KCTD3: variants seen among roughly 807,000 people sequenced by gnomAD.
KCTD3 encodes BTB/POZ domain-containing protein KCTD3.
In KCTD3, 41 loss-of-function variants were observed where a neutral mutation model predicts 85.8. The observed-to-expected ratio is 0.48, with a 90% CI of 0.37 to 0.62. The LOEUF is 0.62. KCTD3 is among the 20% of genes least tolerant of loss of function. The pLI is 0.00. For missense variants in KCTD3, 724 were observed against 989.9 expected (o/e 0.73, Z 3.60); for synonymous variants, 338 against 345.4 (o/e 0.98, Z 0.24).
At chr1:215,597,097 T>G (rs1654603391) in intron 10 of KCTD3, among the ~76,000 whole-genome samples, 1 of 152,170 alleles carries the variant, frequency 6.6e-6, no homozygotes, top group Admixed American at 6.5e-5. Flanking sequence ...AAGGTAGATT[T>G]TAAGTATTTG....
chr1:215,570,259 A>T (rs1229019734), intron 1 of KCTD3, among the ~76,000 whole-genome samples: 1 of 151,972 alleles, frequency 6.6e-6, no homozygotes, highest in African/African-American at 2.4e-5. Context: ...AGGAGAATAG[A>T]CATGAAAATG....
At chr1:215,599,456 A>G (rs547239276) in intron 10 of KCTD3, among the ~76,000 whole-genome samples, 1 of 152,364 alleles carries the variant, frequency 6.6e-6, no homozygotes, top group African/African-American at 2.4e-5. Flanking sequence ...CTGGTATTTT[A>G]AAACTGTAAA....
At chr1:215,611,950 T>C (rs1655249933) in intron 15 of KCTD3, 29 bp downstream of exon 15, 1 of 1,402,942 alleles carries the variant, frequency 7.1e-7, no homozygotes, top group African/African-American at 1.4e-5. Context: ...AATATTTGTA[T>C]TCAGAAGCCA....
rs191150903 is a variant in KCTD3 at position 215,603,666 on chromosome 1, A to G, written c.1139-466A>G. The stretch of plus-strand genomic sequence containing the variant: ...AATTCTAGGCTAGACATAATAAGGA[A>G]TATTGCTTTTGGAATACTATGCTGT... On this transcript the variant is annotated intron_variant, in intron 12 of 17. Transcript: ENST00000259154. Among the ~76,000 whole-genome samples the G allele has an allele frequency of 2.2e-3, 334 of 152,286 alleles. 6 individuals carry two copies. The highest frequency in any genetic ancestry group is 0.021 in the Admixed American group (314 of 15,300).
At chr1:215,605,803 T>G (rs1430294744) in intron 13 of KCTD3, among the ~76,000 whole-genome samples, 1 of 152,136 alleles carries the variant, frequency 6.6e-6, no homozygotes, top group Non-Finnish European at 1.5e-5. Context: ...TAAGTCCTGT[T>G]GGTTTTGCTG....
chr1:215,611,962 CT>C (rs1351005411), intron 15 of KCTD3, 41 bp downstream of exon 15: 3 of 1,313,246 alleles, frequency 2.3e-6, no homozygotes, highest in East Asian at 4.6e-5. Flanking sequence ...CAGAAGCCAC[CT>C]TTTGTCTTAC....
At chr1:215,586,470 T>C in intron 8 of KCTD3, 25 bp from the exon 9 acceptor site, 1 of 1,592,102 alleles carries the variant, frequency 6.3e-7, no homozygotes, top group Admixed American at 1.7e-5. Flanking sequence ...TGAGTCTACC[T>C]TATGTGCCTG....
At chr1:215,610,898 CTAA>C (rs778447955) in intron 14 of KCTD3, among the ~76,000 whole-genome samples, 5 of 151,800 alleles carry the variant, frequency 3.3e-5, no homozygotes, top group East Asian at 1.9e-4. Context: ...TAAGTATTAG[CTAA>C]TAATAAAGAT....
chr1:215,610,575 G>C (rs1345207536), intron 14 of KCTD3, among the ~76,000 whole-genome samples: 4 of 151,862 alleles, frequency 2.6e-5, no homozygotes, highest in African/African-American at 9.7e-5. Context: ...GTTATTCATT[G>C]TCAATATTTT....
intron 9 of KCTD3, among the ~76,000 whole-genome samples, chr1:215,594,899 G>A (rs532392892): frequency 6.6e-6 from 1 of 152,168 alleles, no homozygotes; most frequent in South Asian, 2.1e-4. Flanking sequence ...AGATAGTTAA[G>A]GCTGCCAAGT....
chr1:215,608,113 A>C lies in KCTD3; in HGVS notation c.1406A>C (p.Lys469Thr). ...GGTTCTACTCCTTTAGCGTCATTCA[A>C]GATACTATCCCTGGAGGAGACAGAA... The part of the protein sequence containing the change: ...QPGSTPLASF[K>T]ILSLEETESH... The change falls in exon 14 of 18, where the codon AAG becomes ACG. Residue 469 changes from lysine (K) to threonine (T), a missense_variant. This residue lies in a region of KCTD3 where 136 missense variants were observed against 197.6 expected (regional missense o/e 0.69). Transcript: ENST00000259154. The C allele has an allele frequency of 6.2e-7, 1 of 1,612,280 alleles. No individual in the cohort carries two copies. Among genetic ancestry groups the C allele is most frequent in the Middle Eastern group, 1.7e-4 (1 of 6,052 alleles).
chr1:215,620,560 C>T lies in KCTD3; in HGVS notation c.2390C>T (p.Thr797Ile), dbSNP rs1655638434. ...PGTASPSPTKTTPSPRHKKSD... is the reference protein window; with the variant it reads ...PGTASPSPTKITPSPRHKKSD... ...ACTGCGTCCCCATCTCCTACAAAGA[C>T]TACTCCATCTCCTCGGCATAAAAAA... The change falls in exon 18 of 18, where the codon ACT (threonine) becomes ATT (isoleucine). Residue 797 changes from threonine (T) to isoleucine (I), a missense_variant. This residue lies in a region of KCTD3 where 222 missense variants were observed against 217.7 expected (regional missense o/e 1.02). Coordinates refer to ENST00000259154, the MANE Select transcript of KCTD3 (RefSeq NM_016121.5). 2 of 1,612,488 alleles carry T rather than the reference C, an allele frequency of 1.2e-6. No individual in the cohort carries two copies. The highest frequency in any genetic ancestry group is 2.2e-5 in the South Asian group (2 of 90,604).
At chr1:215,600,191 G>T (rs1654778617) in intron 10 of KCTD3, among the ~76,000 whole-genome samples, 1 of 152,164 alleles carries the variant, frequency 6.6e-6, no homozygotes, top group South Asian at 2.1e-4. Context: ...AGGGCATGAT[G>T]ATTGAGTTCT....
Position 215,620,743 on chromosome 1 carries a change from T to C in KCTD3, c.*125T>C, listed in dbSNP as rs1655653001. The stretch of plus-strand genomic sequence containing the variant: ...AAAATTGGACTTCATTTAGTATCTT[T>C]TTAACAGAATTACTTGGAATAATGA... On this transcript the variant is annotated 3_prime_UTR_variant, in exon 18 of 18. Coordinates refer to ENST00000259154, the MANE Select transcript of KCTD3 (RefSeq NM_016121.5). 1 of 632,476 alleles carries C rather than the reference T, an allele frequency of 1.6e-6. No homozygotes were observed. Among genetic ancestry groups the C allele is most frequent in the Non-Finnish European group, 2.6e-6 (1 of 378,396 alleles). 39.2% of individuals were successfully genotyped at this position (632,476 alleles called of 1,614,324 possible). A position where few individuals can be genotyped will look rare whatever the true frequency, so the allele number is the denominator to read the frequency against.
intron 3 of KCTD3, among the ~76,000 whole-genome samples, chr1:215,574,750 T>C (rs1223362114): frequency 1.3e-5 from 2 of 152,230 alleles, no homozygotes. Context: ...TTTGATGTGC[T>C]CTAATGAAAA....
At chr1:215,575,423 T>G (rs1272473782) in intron 3 of KCTD3, among the ~76,000 whole-genome samples, 1 of 152,226 alleles carries the variant, frequency 6.6e-6, no homozygotes, top group Non-Finnish European at 1.5e-5. Flanking sequence ...AATAGTATTC[T>G]TTTCCACTTT....
intron 10 of KCTD3, among the ~76,000 whole-genome samples, 154 bp from the exon 11 acceptor site, chr1:215,601,713 A>G (rs1039104129): frequency 6.6e-6 from 1 of 152,232 alleles, no homozygotes; most frequent in Admixed American, 6.5e-5. Context: ...ATGTGTGTGC[A>G]CGCGTGCACC....
intron 9 of KCTD3, among the ~76,000 whole-genome samples, chr1:215,587,606 CTT>C (rs1242138238): frequency 6.6e-6 from 1 of 152,082 alleles, no homozygotes; most frequent in Non-Finnish European, 1.5e-5. Flanking sequence ...TTGTAAATCT[CTT>C]TTTGAACTGT....
At chr1:215,613,067 A>G (rs574865783) in intron 15 of KCTD3, among the ~76,000 whole-genome samples, 2 of 152,254 alleles carry the variant, frequency 1.3e-5, no homozygotes, top group African/African-American at 4.8e-5. Flanking sequence ...GGGTTGATCT[A>G]TGCAGCAAAC....
Sources: allele counts gnomAD v4.1 joint callset (sites outside exome capture counted in the v4.1 genomes callset), GRCh38; gene constraint gnomAD v4.1.1; regional missense constraint gnomAD v4.1.1; transcripts MANE v1.5; gene names NCBI Gene and HGNC (gene_info 2026-07-23, HGNC 2026-07-21).